The following MYT1L variants were observed in gnomAD, a reference collection of about 807,000 sequenced individuals.
MYT1L encodes myelin transcription factor 1 like.
Under a neutral mutation model 126.7 loss-of-function variants are expected in MYT1L, and 12 were observed. The observed-to-expected ratio is 0.09, with a 90% CI of 0.06 to 0.15. The LOEUF (loss-of-function observed/expected upper bound fraction) is 0.15. Ranked by LOEUF, MYT1L falls within the 10% of genes least tolerant of loss-of-function variation. The pLI is 1.00. For synonymous variants in MYT1L, 541 were observed against 604.2 expected (o/e 0.90, Z 1.53); for missense variants, 979 against 1,585.2 (o/e 0.62, Z 6.49).
rs567108377 is a variant in MYT1L, at chr2:2,300,959, T to C, written c.-520-16456A>G. ...AGGAGCTACTGGTCACAGCAAGCAC[T>C]CTTGGCTGTGGCCCATTCTCTGTTC... is the stretch of plus-strand genomic sequence containing the variant. On this transcript the variant is annotated intron_variant, in intron 1 of 24. Transcript: ENST00000647738. Among the ~76,000 whole-genome samples the C allele has an allele frequency of 3.6e-3, 544 of 152,302 alleles. 5 individuals are homozygous for C. Among genetic ancestry groups the C allele is most frequent in the Non-Finnish European group, 6.4e-3 (437 of 68,012 alleles).
chr2:2,294,936 G>A (rs1321575654), intron 1 of MYT1L, among the ~76,000 whole-genome samples: 4 of 152,112 alleles, frequency 2.6e-5, no homozygotes, highest in East Asian at 1.9e-4. Flanking sequence ...GATCAATAAC[G>A]TGCAGTTAAA....
chr2:2,045,058 G>A (rs563481633), intron 4 of MYT1L, among the ~76,000 whole-genome samples: 1 of 152,278 alleles, frequency 6.6e-6, no homozygotes, highest in South Asian at 2.1e-4. Context: ...CAGTTTAAGT[G>A]CAAGGTACCT....
chr2:2,105,477 G>A (rs1559025739), intron 3 of MYT1L, among the ~76,000 whole-genome samples: 2 of 152,136 alleles, frequency 1.3e-5, no homozygotes, highest in East Asian at 3.8e-4. Context: ...TGTCTATACT[G>A]TGTTTTTCTC....
At chr2:2,297,579 A>G (rs1219255852) in intron 1 of MYT1L, among the ~76,000 whole-genome samples, 1 of 152,162 alleles carries the variant, frequency 6.6e-6, no homozygotes, top group African/African-American at 2.4e-5. Flanking sequence ...GATTCCTACC[A>G]TTCAAATGCT....
chr2:2,072,226 C>T (rs11887940), intron 3 of MYT1L, among the ~76,000 whole-genome samples: 2 of 152,178 alleles, frequency 1.3e-5, no homozygotes, highest in African/African-American at 2.4e-5. Context: ...TGACGTTTTA[C>T]TGTCTTTATA....
rs541904219 is a variant in MYT1L, at chr2:2,137,048, GACAA to G, written c.-304+35820_-304+35823del. ...CAAGCATTCTTATACACCAATAACA[GACAA>G]ACAGAGAGCCAAATCATGAGTGAAC... On this transcript the variant is annotated intron_variant, in intron 3 of 24. Transcript: ENST00000647738. 9.7e-3 allele frequency among the ~76,000 whole-genome samples: 1,482 copies of G among 152,178 alleles called. 28 individuals carry two copies. Among genetic ancestry groups the G allele is most frequent in the African/African-American group, 0.034 (1,432 of 41,524 alleles).
At position 1,956,446 on chromosome 2, in the gene MYT1L, C is replaced by CTACCT. The variant is rs377012814; in HGVS notation, c.153-13113_153-13112insAGGTA. ...TCTATCTATCTATCTATCTACCTAT[C>CTACCT]ATCTATCTATCCTATTCTATATTTC... On this transcript the variant is annotated intron_variant, in intron 8 of 24. Coordinates refer to ENST00000647738, the MANE Select transcript of MYT1L (RefSeq NM_001303052.2). Among the ~76,000 whole-genome samples the CTACCT allele has an allele frequency of 1.9e-4, 26 of 140,240 alleles. 4 individuals are homozygous for CTACCT. The highest frequency in any genetic ancestry group is 3.4e-4 in the Non-Finnish European group (22 of 64,310). 92.0% of individuals were successfully genotyped at this position (140,240 alleles called of 152,430 possible).
At chr2:2,021,968 C>T (rs535716964) in intron 4 of MYT1L, among the ~76,000 whole-genome samples, 3 of 152,248 alleles carry the variant, frequency 2.0e-5, no homozygotes, top group East Asian at 1.9e-4. Flanking sequence ...GCACAGCAGA[C>T]GTCACTGACA....
intron 4 of MYT1L, among the ~76,000 whole-genome samples, chr2:2,051,696 A>G (rs527741469): frequency 1.3e-5 from 2 of 152,348 alleles, no homozygotes; most frequent in Admixed American, 6.5e-5. Flanking sequence ...AGAAAACTTT[A>G]TATTTGATAT....
chr2:2,238,658 A>G (rs1393263931), intron 2 of MYT1L, among the ~76,000 whole-genome samples: 1 of 152,174 alleles, frequency 6.6e-6, no homozygotes, highest in Non-Finnish European at 1.5e-5. Flanking sequence ...TATCTGAGAG[A>G]TCCTGCGTTA....
At chr2:2,313,666 T>TATATACC (rs1405751862) in intron 1 of MYT1L, among the ~76,000 whole-genome samples, 1 of 152,174 alleles carries the variant, frequency 6.6e-6, no homozygotes, top group Non-Finnish European at 1.5e-5. Flanking sequence ...GGCTATATAC[T>TATATACC]ATATACCATA....
chr2:1,902,570 A>AT (rs1377988187), intron 14 of MYT1L, among the ~76,000 whole-genome samples: 2 of 152,124 alleles, frequency 1.3e-5, no homozygotes, highest in African/African-American at 4.8e-5. Context: ...TTTATTGGTC[A>AT]TGAGGGCAGG....
chr2:1,883,188 T>A (rs778407382), intron 18 of MYT1L, among the ~76,000 whole-genome samples: 1 of 152,118 alleles, frequency 6.6e-6, no homozygotes, highest in Non-Finnish European at 1.5e-5. Context: ...GCATGGATAA[T>A]AAGGAGGAAT....
intron 4 of MYT1L, among the ~76,000 whole-genome samples, chr2:2,016,616 G>A (rs969396127): frequency 2.0e-5 from 3 of 152,150 alleles, no homozygotes; most frequent in Non-Finnish European, 4.4e-5. Flanking sequence ...GCTTCTGTGG[G>A]AACTGGGGAA....
intron 3 of MYT1L, among the ~76,000 whole-genome samples, chr2:2,131,264 G>A (rs890069441): frequency 5.3e-5 from 8 of 152,188 alleles, no homozygotes; most frequent in Non-Finnish European, 5.9e-5. Context: ...ACATTACTTA[G>A]GGGACTTGGA....
chr2:1,797,464 C>T (rs781507950), intron 23 of MYT1L, among the ~76,000 whole-genome samples: 5 of 152,156 alleles, frequency 3.3e-5, no homozygotes, highest in Non-Finnish European at 7.3e-5. Context: ...TCGTGATCTG[C>T]CCGCCTCGGC....
At chr2:1,867,705 C>T (rs6748757) in intron 18 of MYT1L, among the ~76,000 whole-genome samples, 9,411 of 152,144 alleles carry the variant, frequency 0.062, 348 homozygotes, top group Non-Finnish European at 0.073. Flanking sequence ...TGCAATTCCC[C>T]CTCATGGCAG....
chr2:2,110,968 C>T (rs1264939415), intron 3 of MYT1L, among the ~76,000 whole-genome samples: 1 of 152,110 alleles, frequency 6.6e-6, no homozygotes, highest in Non-Finnish European at 1.5e-5. Context: ...GCAGGGTGGC[C>T]CTTCCACCCC....
intron 8 of MYT1L, among the ~76,000 whole-genome samples, chr2:1,976,119 C>CAAAAAA (rs10622987): frequency 4.8e-5 from 5 of 104,250 alleles, no homozygotes; most frequent in African/African-American, 6.6e-5. Flanking sequence ...GTTAAAAGAC[C>CAAAAAA]AAAAAAAAAA....
Sources: gnomAD v4.1 joint callset for allele counts (sites outside exome capture counted in the v4.1 genomes callset) on GRCh38, gnomAD v4.1.1 for gene constraint, MANE v1.5 for transcripts, NCBI Gene and HGNC (gene_info 2026-07-23, HGNC 2026-07-21) for gene names.